Variants in LHFPL2 observed in about 807,000 individuals in gnomAD.
LHFPL2 encodes LHFPL tetraspan subfamily member 2, also known as LHFPL tetraspan subfamily member 2 protein.
In LHFPL2, 7 loss-of-function variants were observed where a neutral mutation model predicts 17.5. That is an observed-to-expected ratio of 0.40 (90% confidence interval 0.23 to 0.75). The LOEUF is 0.75. Among genes scored for constraint, LHFPL2 ranks in the 30% least tolerant of loss-of-function variants. The pLI is 0.37. For missense variants in LHFPL2, 241 were observed against 294.8 expected, an observed-to-expected ratio of 0.82 and a Z score of 1.34; for synonymous variants, 134 against 116.2, an observed-to-expected ratio of 1.15 and a Z score of -0.99.
Position 78,488,428 on chromosome 5 carries a change from T to C in LHFPL2, c.*469A>G, listed in dbSNP as rs898049409. On this transcript the variant is annotated 3_prime_UTR_variant, in exon 5 of 5. Coordinates refer to ENST00000380345, the MANE Select transcript of LHFPL2 (RefSeq NM_005779.3). Reference sequence around the variant, plus strand: ...ACACATCCTGTCCCCAGTAAGTTTATAGTTTTCTGTTCGTTGGAGACAACT... The same window carrying C: ...ACACATCCTGTCCCCAGTAAGTTTACAGTTTTCTGTTCGTTGGAGACAACT... 9.8e-6 allele frequency: 2 copies of C among 203,628 alleles called. No individual in the cohort carries two copies. Among genetic ancestry groups the C allele is most frequent in the African/African-American group, 4.6e-5 (2 of 43,384 alleles). 12.6% of individuals were successfully genotyped at this position (203,628 alleles called of 1,614,324 possible). A position where few individuals can be genotyped will look rare whatever the true frequency, so the allele number is the denominator to read the frequency against.
At chr5:78,625,567 A>T (rs1051059465) in intron 2 of LHFPL2, 16 of 152,204 alleles carry the variant, frequency 1.1e-4, no homozygotes, top group Admixed American at 8.5e-4. Flanking sequence ...ATTTTGCTAC[A>T]TCTCCATTTT....
At chr5:78,584,169 T>C (rs1457326377) in intron 2 of LHFPL2, among the ~76,000 whole-genome samples, 1 of 150,384 alleles carries the variant, frequency 6.6e-6, no homozygotes, top group South Asian at 2.1e-4. Flanking sequence ...TTGGTTATTC[T>C]AGTTATACAT....
At chr5:78,559,068 C>T (rs79991289) in intron 3 of LHFPL2, among the ~76,000 whole-genome samples, 48 of 152,318 alleles carry the variant, frequency 3.2e-4, no homozygotes, top group African/African-American at 1.1e-3. Context: ...CCTACTCTCC[C>T]AAACTTCCCT....
intron 2 of LHFPL2, among the ~76,000 whole-genome samples, chr5:78,623,626 T>C (rs1328142927): frequency 1.3e-5 from 2 of 152,172 alleles, no homozygotes; most frequent in Non-Finnish European, 2.9e-5. Context: ...TTAAGGCTCA[T>C]AGCTGGGGAA....
intron 1 of LHFPL2, among the ~76,000 whole-genome samples, chr5:78,638,525 C>T (rs1745544638): frequency 6.6e-6 from 1 of 152,144 alleles, no homozygotes; most frequent in Admixed American, 6.5e-5. Flanking sequence ...CAAACAATAC[C>T]ATGGAATGCT....
At position 78,488,493 on chromosome 5, in the gene LHFPL2, C is replaced by T. The variant is rs1754324947; in HGVS notation, c.*404G>A. On this transcript the variant is annotated 3_prime_UTR_variant, in exon 5 of 5. Transcript: ENST00000380345. ...AAAACAAGAACTCCAACCCAAAACC[C>T]CATTCTGAGGCAGAGATGCTCACAA... The T allele has an allele frequency of 4.5e-6, 1 of 220,908 alleles. No individual in the cohort carries two copies. Among genetic ancestry groups the T allele is most frequent in the Admixed American group, 5.2e-5 (1 of 19,386 alleles). 13.7% of individuals were successfully genotyped at this position (220,908 alleles called of 1,614,324 possible). A position where few individuals can be genotyped will look rare whatever the true frequency, so the allele number is the denominator to read the frequency against.
chr5:78,529,112 GA>G (rs59230176), intron 3 of LHFPL2, among the ~76,000 whole-genome samples: 151 of 138,908 alleles, frequency 1.1e-3, no homozygotes, highest in Non-Finnish European at 1.1e-3. Context: ...CCACGTCTCT[GA>G]AAAAAAAAAA....
intron 2 of LHFPL2, among the ~76,000 whole-genome samples, chr5:78,606,074 G>A (rs1210640417): frequency 1.3e-5 from 2 of 152,214 alleles, no homozygotes; most frequent in Non-Finnish European, 2.9e-5. Context: ...TGATTCAACT[G>A]ATACTCACCA....
At chr5:78,595,887 C>G (rs538854862) in intron 2 of LHFPL2, among the ~76,000 whole-genome samples, 30 of 152,238 alleles carry the variant, frequency 2.0e-4, no homozygotes, top group Non-Finnish European at 3.8e-4. Context: ...AAAAGAAACT[C>G]AAAAACTTAC....
Position 78,560,720 on chromosome 5 carries a change from T to C in LHFPL2, c.-186+4093A>G, listed in dbSNP as rs143757276. ...TTGTTTGCTATGCATTTTTTCTTTTTTTCCTCCCAATTCTGAATATTTAAA... is the reference window on the plus strand; with the variant it reads ...TTGTTTGCTATGCATTTTTTCTTTTCTTCCTCCCAATTCTGAATATTTAAA... On this transcript the variant is annotated intron_variant, in intron 3 of 4. Coordinates refer to ENST00000380345, the MANE Select transcript of LHFPL2 (RefSeq NM_005779.3). 2.9e-3 allele frequency among the ~76,000 whole-genome samples: 436 copies of C among 152,336 alleles called. 7 individuals carry two copies. The highest frequency in any genetic ancestry group is 0.022 in the Admixed American group (336 of 15,294).
At chr5:78,536,736 T>G (rs1459911253) in intron 3 of LHFPL2, among the ~76,000 whole-genome samples, 2 of 152,214 alleles carry the variant, frequency 1.3e-5, no homozygotes, top group Non-Finnish European at 2.9e-5. Flanking sequence ...TACCCAGCCA[T>G]ATGCATTTTT....
chr5:78,510,481 C>T (rs1755082643), intron 3 of LHFPL2, 83 bp from the exon 4 acceptor site: 1 of 456,726 alleles, frequency 2.2e-6, no homozygotes. Flanking sequence ...CCAAGTCCGG[C>T]CCGTGCCCGC....
At chr5:78,547,697 G>T (rs1363129874) in intron 3 of LHFPL2, among the ~76,000 whole-genome samples, 1 of 152,198 alleles carries the variant, frequency 6.6e-6, no homozygotes, top group Non-Finnish European at 1.5e-5. Context: ...CAGAGGAGGG[G>T]ATCAGGATAA....
chr5:78,563,700 CAAAA>C (rs1198192351), intron 3 of LHFPL2, among the ~76,000 whole-genome samples: 2 of 93,314 alleles, frequency 2.1e-5, no homozygotes, highest in Non-Finnish European at 2.5e-5. Context: ...GACTCCACTT[CAAAA>C]AAAAAAAAAA....
chr5:78,510,713 C>T (rs1755091802), intron 3 of LHFPL2, among the ~76,000 whole-genome samples: 1 of 152,250 alleles, frequency 6.6e-6, no homozygotes, highest in Non-Finnish European at 1.5e-5. Flanking sequence ...GGACAGGGCT[C>T]CCGCTCCCTC....
intron 4 of LHFPL2, among the ~76,000 whole-genome samples, chr5:78,505,301 G>A (rs1754898405): frequency 6.6e-6 from 1 of 152,166 alleles, no homozygotes; most frequent in Non-Finnish European, 1.5e-5. Context: ...ACTGATGTGT[G>A]TTGCTGCCTC....
chr5:78,567,359 T>C (rs1260897521), intron 2 of LHFPL2, among the ~76,000 whole-genome samples: 1 of 152,160 alleles, frequency 6.6e-6, no homozygotes, highest in Non-Finnish European at 1.5e-5. Flanking sequence ...CAGGGTGTGA[T>C]TTTCATTTTT....
intron 3 of LHFPL2, among the ~76,000 whole-genome samples, chr5:78,533,557 G>A (rs1025544251): frequency 1.3e-5 from 2 of 152,126 alleles, no homozygotes; most frequent in African/African-American, 2.4e-5. Flanking sequence ...AGGGAAAAAC[G>A]CCCTCTATGG....
At chr5:78,543,290 A>G (rs1191696392) in intron 3 of LHFPL2, among the ~76,000 whole-genome samples, 1 of 152,108 alleles carries the variant, frequency 6.6e-6, no homozygotes, top group Non-Finnish European at 1.5e-5. Context: ...AGAGACAGCC[A>G]TTCTCTTTCT....
Sources: gnomAD v4.1 joint callset for allele counts (sites outside exome capture counted in the v4.1 genomes callset) on GRCh38, gnomAD v4.1.1 for gene constraint, MANE v1.5 for transcripts, NCBI Gene and HGNC (gene_info 2026-07-23, HGNC 2026-07-21) for gene names.